Variants in FAM193A observed in about 807,000 individuals in gnomAD.
FAM193A encodes protein FAM193A.
A neutral mutation model predicts 126.5 loss-of-function variants in FAM193A; 22 were observed. That is an observed-to-expected ratio of 0.17 (90% CI 0.12 to 0.25). The LOEUF (loss-of-function observed/expected upper bound fraction) is 0.25. Ranked by LOEUF, FAM193A falls within the 10% of genes least tolerant of loss-of-function variation. The pLI, the probability that FAM193A is intolerant of heterozygous loss-of-function variation, is 1.00. For missense variants in FAM193A, 1,675 were observed against 1,672.8 expected, an observed-to-expected ratio of 1.00 and a Z score of -0.02; for synonymous variants, 761 against 646.8, an observed-to-expected ratio of 1.18 and a Z score of -2.68.
chr4:2,705,730 C>T (rs1718230517), intron 19 of FAM193A, among the ~76,000 whole-genome samples: 4 of 150,842 alleles, frequency 2.7e-5, no homozygotes, highest in South Asian at 2.1e-4. Context: ...GCTGGGACTA[C>T]AGGCACGTGC....
chr4:2,679,422 C>G (rs1249272530), intron 13 of FAM193A, among the ~76,000 whole-genome samples: 1 of 144,066 alleles, frequency 6.9e-6, no homozygotes, highest in Non-Finnish European at 1.5e-5. Flanking sequence ...TGCTCATTAC[C>G]CAGGCTGAGT....
chr4:2,696,148 A>T, intron 17 of FAM193A: 2 of 487,506 alleles, frequency 4.1e-6, no homozygotes, highest in Non-Finnish European at 7.2e-6. Flanking sequence ...GTTTTTCATG[A>T]ATATGTAAAA....
chr4:2,539,229 A>G (rs2108798749), intron 1 of FAM193A, among the ~76,000 whole-genome samples: 1 of 152,190 alleles, frequency 6.6e-6, no homozygotes, highest in South Asian at 2.1e-4. Context: ...TCAAAATCAG[A>G]TAACTGTATG....
intron 10 of FAM193A, among the ~76,000 whole-genome samples, chr4:2,662,295 G>A (rs1712551477): frequency 6.6e-6 from 1 of 152,232 alleles, no homozygotes; most frequent in Non-Finnish European, 1.5e-5. Context: ...ACCAGGCCAT[G>A]ACTGGCCTTA....
Position 2,672,147 on chromosome 4 carries a change from A to G in FAM193A, c.2106A>G (p.Glu702=). The change falls in exon 13 of 21, where the codon GAA becomes GAG. Residue 702 remains glutamate (E), a synonymous_variant. Transcript: ENST00000637812. ...CTGAACAAGCTCCAAACACTTGTGA[A>G]TGTCATGTTTGTAAGCAGGAAGCTT... ...QQAEQAPNTC[E]CHVCKQEASG... The G allele has an allele frequency of 4.3e-6, 7 of 1,614,158 alleles. No individual in the cohort carries two copies. Among genetic ancestry groups the G allele is most frequent in the Non-Finnish European group, 5.9e-6 (7 of 1,180,002 alleles).
At position 2,662,958 on chromosome 4, in the gene FAM193A, T is replaced by C. The variant is rs1333302980; in HGVS notation, c.1866T>C (p.Asn622=). 6.2e-6 allele frequency: 10 copies of C among 1,613,352 alleles called. No individual in the cohort carries two copies. Among genetic ancestry groups the C allele is most frequent in the Non-Finnish European group, 8.5e-6 (10 of 1,179,298 alleles). Residue 622 remains asparagine (N), a synonymous_variant, in exon 11 of 21, where the codon AAT becomes AAC. Coordinates refer to ENST00000637812, the MANE Select transcript of FAM193A (RefSeq NM_001366318.2). ...TGAATGGAATCCACAGCGAATTGAA[T>C]GGTGGCGGGGAAAACATGGCCCTGA... The part of the protein sequence containing the change: ...ANMNGIHSEL[N]GGGENMALKD...
intron 4 of FAM193A, among the ~76,000 whole-genome samples, chr4:2,626,867 C>T (rs1220996620): frequency 6.6e-6 from 1 of 152,112 alleles, no homozygotes; most frequent in East Asian, 1.9e-4. Context: ...CTTTTTGAGT[C>T]CCCCTGTGCC....
chr4:2,662,809 C>G, intron 10 of FAM193A, 29 bp from the exon 11 acceptor site: 1 of 1,586,792 alleles, frequency 6.3e-7, no homozygotes, highest in Non-Finnish European at 8.6e-7. Context: ...ATTGAATGAC[C>G]TCACAGTGAC....
intron 1 of FAM193A, among the ~76,000 whole-genome samples, chr4:2,567,598 G>A (rs1560448457): frequency 6.6e-6 from 1 of 152,044 alleles, no homozygotes; most frequent in East Asian, 1.9e-4. Context: ...GTGAGAAGAT[G>A]ATTTTATTTT....
chr4:2,593,444 C>G (rs971983983), intron 1 of FAM193A, among the ~76,000 whole-genome samples: 5 of 152,212 alleles, frequency 3.3e-5, no homozygotes, highest in African/African-American at 1.2e-4. Context: ...AGGAGGCCCT[C>G]ACTGTCCACC....
intron 5 of FAM193A, among the ~76,000 whole-genome samples, chr4:2,634,673 A>T (rs1259122023): frequency 6.6e-6 from 1 of 152,252 alleles, no homozygotes; most frequent in African/African-American, 2.4e-5. Context: ...TAGCTGAGAA[A>T]TTCTCAGAAT....
chr4:2,601,849 T>C (rs974757387), intron 2 of FAM193A, among the ~76,000 whole-genome samples: 1 of 152,172 alleles, frequency 6.6e-6, no homozygotes, highest in Non-Finnish European at 1.5e-5. Flanking sequence ...TTTATTATTA[T>C]TATTTTTAAG....
At chr4:2,577,411 G>GTTTTTTTTTGTTTTTTTTTTTT (rs1739651278) in intron 1 of FAM193A, among the ~76,000 whole-genome samples, 1 of 101,876 alleles carries the variant, frequency 9.8e-6, no homozygotes. Flanking sequence ...AATTAAAGTG[G>GTTTTTTTTTGTTTTTTTTTTTT]TTTTTTTTTT....
intron 2 of FAM193A, among the ~76,000 whole-genome samples, chr4:2,618,488 T>G (rs1368336127): frequency 6.6e-6 from 1 of 151,822 alleles, no homozygotes; most frequent in African/African-American, 2.4e-5. Context: ...AGTGCGATGG[T>G]GCGATCTCGG....
chr4:2,599,409 C>G (rs1272128591), intron 2 of FAM193A, among the ~76,000 whole-genome samples: 3 of 152,092 alleles, frequency 2.0e-5, no homozygotes, highest in Admixed American at 2.0e-4. Context: ...TGCTCTGTCT[C>G]TGGTCAGGGC....
intron 5 of FAM193A, among the ~76,000 whole-genome samples, chr4:2,633,835 G>A (rs751977974): frequency 2.0e-5 from 3 of 152,180 alleles, no homozygotes; most frequent in Non-Finnish European, 4.4e-5. Context: ...GGAGGTTGCA[G>A]TGAGCCGAGA....
At position 2,566,051 on chromosome 4, in the gene FAM193A, C is replaced by CTTTTTTTTT. The variant is rs564664549; in HGVS notation, c.255+28887_255+28895dup. 1.8e-3 allele frequency among the ~76,000 whole-genome samples: 261 copies of CTTTTTTTTT among 142,660 alleles called. 4 individuals carry two copies. Among genetic ancestry groups the CTTTTTTTTT allele is most frequent in the African/African-American group, 6.3e-3 (240 of 38,346 alleles). 93.6% of individuals were successfully genotyped at this position (142,660 alleles called of 152,430 possible). On this transcript the variant is annotated intron_variant, in intron 1 of 20. Transcript: ENST00000637812. ...CATTTTAACAATGAGTGGAAAATTG[C>CTTTTTTTTT]TTTTTTTTTTTTTTGAGACGGAGTC...
intron 2 of FAM193A, chr4:2,607,977 G>C: frequency 6.4e-7 from 1 of 1,556,580 alleles, no homozygotes; most frequent in Non-Finnish European, 8.7e-7. Context: ...GATGCTACCA[G>C]GGCAGCCACT....
At chr4:2,620,197 T>G (rs1742457527) in intron 2 of FAM193A, among the ~76,000 whole-genome samples, 1 of 152,200 alleles carries the variant, frequency 6.6e-6, no homozygotes, top group Non-Finnish European at 1.5e-5. Context: ...GGGACACATT[T>G]AAGGATTTAA....
Sources: allele counts gnomAD v4.1 joint callset (sites outside exome capture counted in the v4.1 genomes callset), GRCh38; gene constraint gnomAD v4.1.1; transcripts MANE v1.5; gene names NCBI Gene and HGNC (gene_info 2026-07-23, HGNC 2026-07-21).